KCTD16: variants seen among roughly 807,000 people sequenced by gnomAD.
KCTD16 encodes potassium channel tetramerization domain containing 16, also known as BTB/POZ domain-containing protein KCTD16.
In KCTD16, 13 loss-of-function variants were observed where a neutral mutation model predicts 33.2. The ratio of observed to expected loss-of-function variants is 0.39; its 90% CI spans 0.25 to 0.62. The LOEUF is 0.62. Ranked by LOEUF, KCTD16 falls within the 20% of genes least tolerant of loss-of-function variation. The pLI is 0.50. For synonymous variants in KCTD16, 197 were observed against 195.3 expected (o/e 1.01, Z -0.07); for missense variants, 441 against 525.1 (o/e 0.84, Z 1.57).
intron 3 of KCTD16, among the ~76,000 whole-genome samples, chr5:144,445,443 T>C (rs913533328): frequency 6.6e-6 from 1 of 152,088 alleles, no homozygotes; most frequent in Non-Finnish European, 1.5e-5. Context: ...GGAAGAGTGT[T>C]ATTCTGCTCA....
At chr5:144,205,936 T>C (rs1322471040) in intron 2 of KCTD16, 1 of 176,268 alleles carries the variant, frequency 5.7e-6, no homozygotes, top group Non-Finnish European at 1.2e-5. Context: ...TTTACCTGTT[T>C]GGGATTTGAC....
chr5:144,356,793 C>T (rs528538125), intron 3 of KCTD16, among the ~76,000 whole-genome samples: 1 of 152,188 alleles, frequency 6.6e-6, no homozygotes, highest in African/African-American at 2.4e-5. Flanking sequence ...AGACAATAAG[C>T]TCCCCTCCCG....
intron 3 of KCTD16, among the ~76,000 whole-genome samples, chr5:144,312,077 T>C (rs1272196830): frequency 6.6e-6 from 1 of 152,194 alleles, no homozygotes; most frequent in African/African-American, 2.4e-5. Context: ...GCCCTGTAGG[T>C]GCCGGGCACT....
At chr5:144,420,425 G>A (rs1230164595) in intron 3 of KCTD16, among the ~76,000 whole-genome samples, 1 of 152,042 alleles carries the variant, frequency 6.6e-6, no homozygotes, top group African/African-American at 2.4e-5. Context: ...AATAAAGGAA[G>A]TGACATTGAC....
At chr5:144,224,474 A>G (rs1486880085) in intron 3 of KCTD16, among the ~76,000 whole-genome samples, 1 of 151,448 alleles carries the variant, frequency 6.6e-6, no homozygotes, top group Non-Finnish European at 1.5e-5. Flanking sequence ...GACATAAAGA[A>G]TTAATGGTAA....
chr5:144,380,999 T>A (rs1752200699), intron 3 of KCTD16, among the ~76,000 whole-genome samples: 1 of 152,010 alleles, frequency 6.6e-6, no homozygotes, highest in South Asian at 2.1e-4. Flanking sequence ...AAAGAAACTA[T>A]CAACAGAGTA....
intron 2 of KCTD16, among the ~76,000 whole-genome samples, chr5:144,196,148 G>A (rs1009530378): frequency 1.3e-5 from 2 of 152,142 alleles, no homozygotes; most frequent in Non-Finnish European, 2.9e-5. Flanking sequence ...AGCTCAAAAC[G>A]TATTTTGCTG....
Position 144,207,050 on chromosome 5 carries a change from C to T in KCTD16, c.336C>T (p.Tyr112=), listed in dbSNP as rs771388590. 1 of 1,614,078 alleles carries T rather than the reference C, an allele frequency of 6.2e-7. No individual in the cohort carries two copies. The highest frequency in any genetic ancestry group is 1.1e-5 in the South Asian group (1 of 91,052). Residue 112 remains tyrosine (Y), a synonymous_variant, in exon 3 of 4, where the codon TAC becomes TAT. Coordinates refer to ENST00000512467, the MANE Select transcript of KCTD16 (RefSeq NM_020768.4). The part of the protein sequence containing the change: ...EKGRLKREAE[Y]FQLPDLVKLL... Reference sequence around the variant, plus strand: ...GAAGACTGAAAAGGGAAGCTGAATACTTCCAGCTCCCAGACTTGGTCAAAC... The same window carrying T: ...GAAGACTGAAAAGGGAAGCTGAATATTTCCAGCTCCCAGACTTGGTCAAAC...
At chr5:144,417,963 G>T (rs748734041) in intron 3 of KCTD16, among the ~76,000 whole-genome samples, 2 of 152,120 alleles carry the variant, frequency 1.3e-5, no homozygotes, top group Non-Finnish European at 2.9e-5. Flanking sequence ...TCCGGAGTTT[G>T]TTCCTTCTGA....
At chr5:144,371,496 G>A in intron 3 of KCTD16, among the ~76,000 whole-genome samples, 2 of 152,246 alleles carry the variant, frequency 1.3e-5, no homozygotes, top group South Asian at 4.1e-4. Context: ...TGTAAGATGA[G>A]TATGTGTTAT....
At chr5:144,203,717 C>A (rs1157538880) in intron 2 of KCTD16, among the ~76,000 whole-genome samples, 1 of 152,198 alleles carries the variant, frequency 6.6e-6, no homozygotes, top group Admixed American at 6.5e-5. Flanking sequence ...CATTTGCTTA[C>A]TTTACAACCA....
At chr5:144,280,766 A>T (rs903313920) in intron 3 of KCTD16, among the ~76,000 whole-genome samples, 3 of 152,136 alleles carry the variant, frequency 2.0e-5, no homozygotes, top group Non-Finnish European at 4.4e-5. Flanking sequence ...CTACTAAACA[A>T]AATACAAAAA....
intron 3 of KCTD16, among the ~76,000 whole-genome samples, chr5:144,273,617 A>G (rs893316410): frequency 6.6e-6 from 1 of 152,122 alleles, no homozygotes; most frequent in Non-Finnish European, 1.5e-5. Context: ...ATTCTGACAC[A>G]TGATACAACA....
chr5:144,339,803 G>T (rs560494779), intron 3 of KCTD16, among the ~76,000 whole-genome samples: 1 of 152,136 alleles, frequency 6.6e-6, no homozygotes, highest in South Asian at 2.1e-4. Context: ...TAAGTGCTAG[G>T]GCTACAATAA....
At chr5:144,201,873 C>T (rs11167848) in intron 2 of KCTD16, among the ~76,000 whole-genome samples, 22,545 of 152,186 alleles carry the variant, frequency 0.15, 2,025 homozygotes, top group Admixed American at 0.25. Context: ...TCCCTGATAG[C>T]GAAGGCTGTC....
chr5:144,435,802 TG>T (rs1247153149), intron 3 of KCTD16, among the ~76,000 whole-genome samples: 4 of 147,468 alleles, frequency 2.7e-5, no homozygotes, highest in Non-Finnish European at 5.9e-5. Context: ...TTGTGTGCTT[TG>T]TGTGTGTGTG....
At chr5:144,458,025 G>A (rs1051564604) in intron 3 of KCTD16, among the ~76,000 whole-genome samples, 2 of 152,166 alleles carry the variant, frequency 1.3e-5, no homozygotes, top group Non-Finnish European at 2.9e-5. Context: ...CACATTTTAT[G>A]TGCAAATTCA....
chr5:144,420,667 G>C (rs1472254924), intron 3 of KCTD16, among the ~76,000 whole-genome samples: 1 of 151,986 alleles, frequency 6.6e-6, no homozygotes, highest in Non-Finnish European at 1.5e-5. Context: ...TTCATTTTGG[G>C]TAGGGTCTAA....
At chr5:144,295,761 T>C (rs1005742914) in intron 3 of KCTD16, among the ~76,000 whole-genome samples, 1 of 152,196 alleles carries the variant, frequency 6.6e-6, no homozygotes, top group Non-Finnish European at 1.5e-5. Flanking sequence ...TCTAGTTACA[T>C]GAGTTCTCAA....
Sources: allele counts gnomAD v4.1 joint callset (sites outside exome capture counted in the v4.1 genomes callset), GRCh38; gene constraint gnomAD v4.1.1; transcripts MANE v1.5; gene names NCBI Gene and HGNC (gene_info 2026-07-23, HGNC 2026-07-21).